Variants in NEK1 observed in about 807,000 individuals in gnomAD.
NEK1 encodes NIMA related kinase 1, also known as serine/threonine-protein kinase Nek1.
Under a neutral mutation model 182.1 loss-of-function variants are expected in NEK1, and 137 were observed. The observed-to-expected ratio is 0.75, with a 90% CI of 0.65 to 0.87. NEK1 has a LOEUF of 0.87. Among genes scored for constraint, NEK1 ranks in the 40% least tolerant of loss-of-function variants. The probability of loss-of-function intolerance (pLI) is 0.00; values close to 1 mark genes in which losing one functional copy is unlikely to be tolerated. For missense variants in NEK1, 1,391 were observed against 1,494.4 expected, an observed-to-expected ratio of 0.93 and a Z score of 1.14; for synonymous variants, 513 against 492.2, an observed-to-expected ratio of 1.04 and a Z score of -0.56.
intron 19 of NEK1, among the ~76,000 whole-genome samples, chr4:169,514,662 G>T (rs1754807350): frequency 6.6e-6 from 1 of 152,138 alleles, no homozygotes; most frequent in Non-Finnish European, 1.5e-5. Context: ...ATGTAAAGTT[G>T]AATTTATCCT....
chr4:169,528,512 C>T (rs1396756666), intron 19 of NEK1, among the ~76,000 whole-genome samples: 1 of 152,144 alleles, frequency 6.6e-6, no homozygotes, highest in East Asian at 1.9e-4. Context: ...TACTGGCTGA[C>T]CATATTACAG....
At chr4:169,562,226 T>C in intron 12 of NEK1, 30 bp from the exon 13 acceptor site, 4 of 1,468,210 alleles carry the variant, frequency 2.7e-6, no homozygotes, top group Non-Finnish European at 3.7e-6. Flanking sequence ...ACAAATTAAA[T>C]AAAGATTTTG....
At position 169,572,565 on chromosome 4, in the gene NEK1, CA is replaced by C. The variant is rs1374850776; in HGVS notation, c.1020+4362del. Among the ~76,000 whole-genome samples, 3 of 152,166 alleles carry C rather than the reference CA, an allele frequency of 2.0e-5. No homozygotes were observed. In the East Asian group the frequency reaches 5.8e-4, roughly 29 times the overall value. The stretch of plus-strand genomic sequence containing the variant: ...TGAGAGTCAGCTTATAGATGTTATC[CA>C]TTAGAAAGTTCGTATGGATACAAAA... On this transcript the variant is annotated intron_variant, in intron 12 of 35. Coordinates refer to ENST00000507142, the MANE Select transcript of NEK1 (RefSeq NM_001199397.3).
At chr4:169,453,324 T>C (rs1742200822) in intron 27 of NEK1, among the ~76,000 whole-genome samples, 1 of 152,204 alleles carries the variant, frequency 6.6e-6, no homozygotes, top group African/African-American at 2.4e-5. Flanking sequence ...TTAAAGTTCA[T>C]ATGGAACCAA....
intron 26 of NEK1, among the ~76,000 whole-genome samples, chr4:169,472,318 C>T (rs183539444): frequency 1.8e-4 from 28 of 152,256 alleles, no homozygotes; most frequent in African/African-American, 6.5e-4. Context: ...ATCGGAAAAG[C>T]GTAGTATGTG....
At chr4:169,443,360 C>CA (rs1739893486) in intron 27 of NEK1, among the ~76,000 whole-genome samples, 1 of 146,968 alleles carries the variant, frequency 6.8e-6, no homozygotes, top group Non-Finnish European at 1.5e-5. Context: ...CAAACCCCCC[C>CA]ACCCACCACA....
chr4:169,483,536 T>G (rs2149576151), intron 23 of NEK1, among the ~76,000 whole-genome samples: 1 of 152,290 alleles, frequency 6.6e-6, no homozygotes, highest in Admixed American at 6.5e-5. Context: ...GTCCCATAGT[T>G]CAGTATTATT....
chr4:169,420,767 C>A (rs1735357538), intron 31 of NEK1, among the ~76,000 whole-genome samples: 4 of 151,880 alleles, frequency 2.6e-5, no homozygotes, highest in Admixed American at 2.6e-4. Context: ...GCTAAAAATA[C>A]TAAATCCAAA....
intron 27 of NEK1, among the ~76,000 whole-genome samples, chr4:169,447,127 T>A (rs2149452497): frequency 6.6e-6 from 1 of 152,284 alleles, no homozygotes; most frequent in Middle Eastern, 3.4e-3. Flanking sequence ...CAAGGAAGAC[T>A]ACCTCAAGAC....
In NEK1 at chr4:169,463,368, A is replaced by G; in HGVS notation, c.2462T>C (p.Leu821Ser). ...ERHTVGEVIK[L>S]GPNGSPRRAW... is the part of the protein sequence containing the mutation. ...TCTTCTTGGAGATCCATTAGGACCT[A>G]ATTTAATAACTTCTCCCACTGTATG... The change falls in exon 27 of 36, where the codon TTA (leucine) becomes TCA (serine). Residue 821 changes from leucine (L) to serine (S), a missense_variant. Physicochemically the swap from Leu to Ser is moderately radical, Grantham distance 145. Around this residue, in one of 5 missense-constraint regions of NEK1, gnomAD observed 1,216 missense variants for 1,277.6 expected, o/e 0.95. Transcript: ENST00000507142. 1 of 1,608,138 alleles carries G rather than the reference A, an allele frequency of 6.2e-7. No homozygotes were observed. Among genetic ancestry groups the G allele is most frequent in the Non-Finnish European group, 8.5e-7 (1 of 1,176,316 alleles).
At chr4:169,486,348 G>A (rs965635655) in intron 23 of NEK1, among the ~76,000 whole-genome samples, 2 of 152,104 alleles carry the variant, frequency 1.3e-5, no homozygotes, top group Admixed American at 6.5e-5. Flanking sequence ...ACCAAATGAC[G>A]AAACTCAAAA....
chr4:169,578,827 T>C (rs140514210), intron 11 of NEK1, among the ~76,000 whole-genome samples: 1 of 152,178 alleles, frequency 6.6e-6, no homozygotes, highest in Non-Finnish European at 1.5e-5. Flanking sequence ...TACGACGTGA[T>C]AGGGTAAGGT....
chr4:169,417,359 C>T (rs575497911), intron 31 of NEK1, among the ~76,000 whole-genome samples: 1 of 152,168 alleles, frequency 6.6e-6, no homozygotes, highest in African/African-American at 2.4e-5. Context: ...CAGAAAGCCA[C>T]TGAAGTCTTA....
At chr4:169,564,227 A>T (rs1280403437) in intron 12 of NEK1, among the ~76,000 whole-genome samples, 1 of 152,132 alleles carries the variant, frequency 6.6e-6, no homozygotes, top group Non-Finnish European at 1.5e-5. Flanking sequence ...AAAAAGATTT[A>T]AAAAGCATAC....
chr4:169,518,857 T>C (rs1290090835), intron 19 of NEK1, among the ~76,000 whole-genome samples: 1 of 101,600 alleles, frequency 9.8e-6, no homozygotes, highest in Admixed American at 9.1e-5. Context: ...TTGATTGCAC[T>C]GTGGTCTGAG....
chr4:169,396,541 T>G (rs1730759376), intron 35 of NEK1, among the ~76,000 whole-genome samples: 1 of 152,080 alleles, frequency 6.6e-6, no homozygotes, highest in Admixed American at 6.6e-5. Flanking sequence ...GCTTACACAT[T>G]TTATTAGCTC....
At chr4:169,483,908 A>T (rs1748579283) in intron 23 of NEK1, among the ~76,000 whole-genome samples, 1 of 151,912 alleles carries the variant, frequency 6.6e-6, no homozygotes, top group Admixed American at 6.6e-5. Context: ...ACTTTTAAAA[A>T]TATCTAGAGC....
At chr4:169,465,538 A>G (rs1445448934) in intron 26 of NEK1, among the ~76,000 whole-genome samples, 1 of 152,136 alleles carries the variant, frequency 6.6e-6, no homozygotes, top group South Asian at 2.1e-4. Context: ...ACTGATCAGC[A>G]TATCAGTACA....
intron 32 of NEK1, among the ~76,000 whole-genome samples, chr4:169,402,659 C>A (rs945754381): frequency 1.3e-5 from 2 of 152,180 alleles, no homozygotes; most frequent in Non-Finnish European, 1.5e-5. Context: ...ACATTTTTAT[C>A]CTACTACTCA....
Sources: allele counts gnomAD v4.1 joint callset (sites outside exome capture counted in the v4.1 genomes callset), GRCh38; gene constraint gnomAD v4.1.1; regional missense constraint gnomAD v4.1.1; transcripts MANE v1.5; gene names NCBI Gene and HGNC (gene_info 2026-07-23, HGNC 2026-07-21).